The following TNS1 variants were observed in gnomAD, a reference collection of about 807,000 sequenced individuals.
TNS1 encodes the protein tensin 1.
Under a neutral mutation model 168.6 loss-of-function variants are expected in TNS1, and 62 were observed. That is an observed-to-expected ratio of 0.37 (90% CI 0.30 to 0.45). The LOEUF (loss-of-function observed/expected upper bound fraction) is 0.45. TNS1 is among the 20% of genes least tolerant of loss of function. The pLI is 1.00. For missense variants in TNS1, 2,240 were observed against 2,339.4 expected (o/e 0.96, Z 0.88); for synonymous variants, 934 against 933.2 (o/e 1.00, Z -0.02).
intron 18 of TNS1, among the ~76,000 whole-genome samples, chr2:217,872,081 T>A: frequency 6.6e-6 from 1 of 152,262 alleles, no homozygotes; most frequent in East Asian, 1.9e-4. Context: ...AACTTCTCTG[T>A]TACTTGCCTC....
At chr2:218,021,369 T>A (rs1236637628) in intron 1 of TNS1, among the ~76,000 whole-genome samples, 2 of 152,226 alleles carry the variant, frequency 1.3e-5, no homozygotes, top group African/African-American at 4.8e-5. Context: ...CTGAACTCTG[T>A]CACCCATGGA....
At chr2:217,882,038 G>A (rs542376097) in intron 17 of TNS1, 43 of 260,872 alleles carry the variant, frequency 1.6e-4, no homozygotes, top group Non-Finnish European at 8.6e-5. Flanking sequence ...CCCCCTGCCC[G>A]CCAGCCACTC....
chr2:217,931,487 G>C (rs1249847883), intron 3 of TNS1, among the ~76,000 whole-genome samples: 9 of 152,182 alleles, frequency 5.9e-5, no homozygotes, highest in Non-Finnish European at 1.2e-4. Context: ...GGCTAAGCCA[G>C]GCCCAAAATA....
intron 1 of TNS1, among the ~76,000 whole-genome samples, chr2:218,018,496 T>G (rs377198198): frequency 1.3e-5 from 2 of 152,226 alleles, no homozygotes; most frequent in African/African-American, 4.8e-5. Context: ...CAAAACCTAT[T>G]TCCAGGGCCA....
chr2:217,936,909 G>A, intron 3 of TNS1: 2 of 456,348 alleles, frequency 4.4e-6, no homozygotes, highest in Non-Finnish European at 8.8e-6. Context: ...TACAGATGCA[G>A]ACACTAAGGC....
intron 5 of TNS1, 34 bp downstream of exon 5, chr2:217,907,176 T>C: frequency 1.4e-6 from 1 of 702,984 alleles, no homozygotes; most frequent in Non-Finnish European, 2.6e-6. Flanking sequence ...CCCAGGCTGT[T>C]CCAGCTCCCC....
chr2:217,828,738 T>C (rs945987460), intron 22 of TNS1, among the ~76,000 whole-genome samples: 2 of 152,198 alleles, frequency 1.3e-5, no homozygotes, highest in Non-Finnish European at 2.9e-5. Flanking sequence ...ACATGCCAAC[T>C]CCTTGAAACT....
chr2:218,030,798 T>C (rs950653548), intron 1 of TNS1, among the ~76,000 whole-genome samples: 2 of 152,192 alleles, frequency 1.3e-5, no homozygotes, highest in South Asian at 2.1e-4. Flanking sequence ...AGGGCTATAG[T>C]GGGGCTTGAA....
intron 19 of TNS1, 93 bp downstream of exon 19, chr2:217,847,417 C>G: frequency 8.2e-7 from 1 of 1,220,064 alleles, no homozygotes; most frequent in East Asian, 2.7e-5. Flanking sequence ...GTGAAAGCAA[C>G]ATCTGCTTAG....
In TNS1 at chr2:218,001,101, C is replaced by T. The variant is rs142411493; in HGVS notation, c.33+1739G>A. The stretch of plus-strand genomic sequence containing the variant: ...CCAGGAGGTAGAGGTTATAGTGAGC[C>T]AAGATCATGCCATTGCACTCCAGCC... On this transcript the variant is annotated intron_variant, in intron 1 of 32. Coordinates refer to ENST00000682258, the MANE Select transcript of TNS1 (RefSeq NM_001387777.1). 2.6e-3 allele frequency among the ~76,000 whole-genome samples: 394 copies of T among 152,030 alleles called. 2 individuals carry two copies. Among genetic ancestry groups the T allele is most frequent in the African/African-American group, 8.8e-3 (364 of 41,418 alleles).
rs1299613903 is a variant in TNS1, at chr2:217,818,358, G to A, written c.3974C>T (p.Pro1325Leu). The A allele has an allele frequency of 1.9e-6, 3 of 1,614,208 alleles. No homozygotes were observed. The highest frequency in any genetic ancestry group is 1.7e-6 in the Non-Finnish European group (2 of 1,180,052). ...AGTGCTACCATGGAAGCCAGTGCCT[G>A]GTGGACCCATCATCTGGTGATGGCT... Reference protein sequence around the residue: ...SLSHHQMMGPPGTGFHGSTVS... With the variant: ...SLSHHQMMGPLGTGFHGSTVS... Residue 1325 changes from proline (P) to leucine (L), a missense_variant, in exon 24 of 33, where the codon CCA (proline) becomes CTA (leucine). Coordinates refer to ENST00000682258, the MANE Select transcript of TNS1 (RefSeq NM_001387777.1).
At chr2:217,857,143 G>A (rs574683806) in intron 18 of TNS1, among the ~76,000 whole-genome samples, 11 of 152,298 alleles carry the variant, frequency 7.2e-5, no homozygotes, top group East Asian at 3.9e-4. Context: ...TCCCACCCAC[G>A]GCTGCCTCTG....
intron 1 of TNS1, among the ~76,000 whole-genome samples, chr2:217,996,038 G>A (rs1210062916): frequency 6.6e-6 from 1 of 152,194 alleles, no homozygotes; most frequent in African/African-American, 2.4e-5. Flanking sequence ...CTTGGCCCTG[G>A]GGTGGGAAAG....
chr2:217,830,687 C>G (rs1251552007), intron 22 of TNS1, among the ~76,000 whole-genome samples: 1 of 152,272 alleles, frequency 6.6e-6, no homozygotes, highest in Non-Finnish European at 1.5e-5. Context: ...CAGCCATCCT[C>G]CTTCCTTCCT....
Position 217,880,755 on chromosome 2 carries a change from G to C in TNS1, c.1429+143C>G. On this transcript the variant is annotated intron_variant, in intron 18 of 32. Coordinates refer to ENST00000682258, the MANE Select transcript of TNS1 (RefSeq NM_001387777.1). The surrounding 1 kb of genome is among the most constrained non-coding windows in gnomAD (Gnocchi z 4.2). ...GTGCCTTATCTTCCCCCAGTTAACGGTGAGCTCTCGGAGGTACCTCACACT... is the reference window on the plus strand; with the variant it reads ...GTGCCTTATCTTCCCCCAGTTAACGCTGAGCTCTCGGAGGTACCTCACACT... 1 of 665,468 alleles carries C rather than the reference G, an allele frequency of 1.5e-6. No individual in the cohort carries two copies. The highest frequency in any genetic ancestry group is 2.7e-6 in the Non-Finnish European group (1 of 372,462). 41.2% of individuals were successfully genotyped at this position (665,468 alleles called of 1,614,324 possible).
intron 18 of TNS1, chr2:217,849,602 G>A: frequency 1.0e-6 from 1 of 964,024 alleles, no homozygotes. Flanking sequence ...ACCATTATGA[G>A]TATCATTAAT....
At chr2:217,851,674 C>A (rs912462878) in intron 18 of TNS1, among the ~76,000 whole-genome samples, 15 of 152,164 alleles carry the variant, frequency 9.9e-5, no homozygotes, top group Non-Finnish European at 2.2e-4. Context: ...TTCTGAATCT[C>A]CACCAACCTG....
intron 18 of TNS1, among the ~76,000 whole-genome samples, chr2:217,857,929 C>G (rs1388329486): frequency 6.6e-6 from 1 of 152,188 alleles, no homozygotes; most frequent in Non-Finnish European, 1.5e-5. Flanking sequence ...GGCCAGGGTG[C>G]CAGCCTGGGC....
chr2:217,999,302 T>C (rs574883639), intron 1 of TNS1, among the ~76,000 whole-genome samples: 1 of 152,344 alleles, frequency 6.6e-6, no homozygotes, highest in Admixed American at 6.5e-5. Flanking sequence ...TTTCTTGAGC[T>C]CTTACATGTG....
Sources: gnomAD v4.1 joint callset for allele counts (sites outside exome capture counted in the v4.1 genomes callset) on GRCh38, gnomAD v4.1.1 for gene constraint, Gnocchi (gnomAD v3.1) non-coding constraint, MANE v1.5 for transcripts, NCBI Gene and HGNC (gene_info 2026-07-23, HGNC 2026-07-21) for gene names.